Variants in SLC4A10 observed in about 807,000 individuals in gnomAD.
SLC4A10 encodes the protein solute carrier family 4 member 10.
Under a neutral mutation model 137.7 loss-of-function variants are expected in SLC4A10, and 42 were observed. That is an observed-to-expected ratio of 0.30 (90% CI 0.24 to 0.39). SLC4A10 has a LOEUF of 0.39. Ranked by LOEUF, SLC4A10 falls within the 10% of genes least tolerant of loss-of-function variation. The pLI is 1.00. For missense variants in SLC4A10, 925 were observed against 1,355.0 expected (o/e 0.68, Z 4.98); for synonymous variants, 474 against 464.1 (o/e 1.02, Z -0.27).
chr2:161,932,408 G>A (rs1290228522), intron 15 of SLC4A10, among the ~76,000 whole-genome samples: 1 of 152,220 alleles, frequency 6.6e-6, no homozygotes, highest in Admixed American at 6.5e-5. Context: ...ATTTGGAGCA[G>A]GATCCAAGAT....
At chr2:161,961,667 A>T (rs1389509897) in intron 21 of SLC4A10, among the ~76,000 whole-genome samples, 1 of 152,118 alleles carries the variant, frequency 6.6e-6, no homozygotes, top group Non-Finnish European at 1.5e-5. Context: ...TTAAGAAACA[A>T]TGTAAAATCA....
intron 15 of SLC4A10, among the ~76,000 whole-genome samples, chr2:161,930,651 A>T (rs992809342): frequency 2.6e-5 from 4 of 151,886 alleles, no homozygotes; most frequent in African/African-American, 9.7e-5. Flanking sequence ...TCAGTATTCA[A>T]CTCAATATTA....
At chr2:161,716,638 G>C (rs1235357319) in intron 1 of SLC4A10, among the ~76,000 whole-genome samples, 1 of 152,106 alleles carries the variant, frequency 6.6e-6, no homozygotes, top group Non-Finnish European at 1.5e-5. Flanking sequence ...TTATTTCTGA[G>C]TTCTCTATTC....
At chr2:161,810,925 G>A (rs551145966) in intron 3 of SLC4A10, among the ~76,000 whole-genome samples, 1 of 152,116 alleles carries the variant, frequency 6.6e-6, no homozygotes, top group South Asian at 2.1e-4. Flanking sequence ...TTTTGGAAGA[G>A]TTTTAGTAGG....
At chr2:161,881,471 T>C (rs2061775864) in intron 9 of SLC4A10, among the ~76,000 whole-genome samples, 1 of 152,040 alleles carries the variant, frequency 6.6e-6, no homozygotes, top group African/African-American at 2.4e-5. Flanking sequence ...TGTAAAAACA[T>C]GTACAATCTC....
intron 15 of SLC4A10, among the ~76,000 whole-genome samples, chr2:161,940,911 C>T (rs565624046): frequency 6.6e-6 from 1 of 152,162 alleles, no homozygotes; most frequent in East Asian, 1.9e-4. Context: ...TGAGATTAGC[C>T]TGGGCAACAT....
At chr2:161,695,346 A>G (rs1005665780) in intron 1 of SLC4A10, among the ~76,000 whole-genome samples, 1 of 152,044 alleles carries the variant, frequency 6.6e-6, no homozygotes, top group Non-Finnish European at 1.5e-5. Flanking sequence ...ATTTGCTCTT[A>G]TATACCCAAT....
intron 5 of SLC4A10, among the ~76,000 whole-genome samples, chr2:161,862,135 G>A (rs1448790053): frequency 6.6e-6 from 1 of 152,226 alleles, no homozygotes; most frequent in East Asian, 1.9e-4. Flanking sequence ...TTGATACTAT[G>A]TATGGTAAAT....
rs111791161 is a variant in SLC4A10 at position 161,915,730 on chromosome 2, G to T, written c.1997+9843G>T. Among the ~76,000 whole-genome samples, 18 of 152,272 alleles carry T rather than the reference G, an allele frequency of 1.2e-4. 1 individual carries two copies. The highest frequency in any genetic ancestry group is 3.8e-4 in the African/African-American group (16 of 41,570). ...CTGGTTCCCACACTCATTCACTCAT[G>T]CACTCCCTCCTGCAAGGGTTGAGCA... On this transcript the variant is annotated intron_variant, in intron 15 of 26. Transcript: ENST00000446997.
intron 3 of SLC4A10, among the ~76,000 whole-genome samples, chr2:161,835,772 T>G (rs1454676017): frequency 6.6e-6 from 1 of 152,248 alleles, no homozygotes; most frequent in East Asian, 1.9e-4. Flanking sequence ...TATATCCTGC[T>G]GTACCTGATC....
intron 1 of SLC4A10, among the ~76,000 whole-genome samples, chr2:161,687,517 A>G (rs1467089642): frequency 1.3e-5 from 2 of 152,228 alleles, no homozygotes; most frequent in Non-Finnish European, 2.9e-5. Context: ...TAACGGAATT[A>G]TAGCAATTTA....
chr2:161,790,051 A>G (rs1181540303), intron 2 of SLC4A10, among the ~76,000 whole-genome samples: 1 of 152,252 alleles, frequency 6.6e-6, no homozygotes, highest in Non-Finnish European at 1.5e-5. Flanking sequence ...CCTGACTAGT[A>G]AGTCGTATGG....
chr2:161,916,894 A>G (rs927576840), intron 15 of SLC4A10, among the ~76,000 whole-genome samples: 3 of 152,210 alleles, frequency 2.0e-5, no homozygotes, highest in Non-Finnish European at 2.9e-5. Flanking sequence ...ATCTTTTTAA[A>G]GTAAAAATTA....
chr2:161,928,244 T>C (rs1373163422), intron 15 of SLC4A10, among the ~76,000 whole-genome samples: 5 of 149,612 alleles, frequency 3.3e-5, no homozygotes, highest in Admixed American at 2.7e-4. Flanking sequence ...AAATTGGAAA[T>C]CATCATTCTC....
In SLC4A10 at chr2:161,772,408, C is replaced by A. The variant is rs192683118; in HGVS notation, c.130+1354C>A. On this transcript the variant is annotated intron_variant, in intron 2 of 26. Coordinates refer to ENST00000446997, the MANE Select transcript of SLC4A10 (RefSeq NM_001178015.2). ...AATATACTCAATTCCAAGAAAAAAT[C>A]ATCTTGATTTTAAAGATGGTGAATG... Among the ~76,000 whole-genome samples the A allele has an allele frequency of 2.0e-5, 3 of 151,680 alleles. No individual in the cohort carries two copies. In the East Asian group the frequency reaches 5.8e-4, roughly 30 times the overall value.
intron 3 of SLC4A10, among the ~76,000 whole-genome samples, chr2:161,805,934 G>A (rs1198769116): frequency 6.6e-6 from 1 of 152,138 alleles, no homozygotes; most frequent in Non-Finnish European, 1.5e-5. Flanking sequence ...CTTCTGCACT[G>A]CCCTAGCAGA....
intron 15 of SLC4A10, among the ~76,000 whole-genome samples, chr2:161,926,964 C>CA (rs1689266718): frequency 6.6e-6 from 1 of 151,984 alleles, no homozygotes; most frequent in Non-Finnish European, 1.5e-5. Flanking sequence ...GTGGGTAACC[C>CA]AACCTTTCTC....
intron 15 of SLC4A10, among the ~76,000 whole-genome samples, chr2:161,942,248 G>A (rs1018110667): frequency 1.2e-4 from 19 of 152,094 alleles, no homozygotes; most frequent in Admixed American, 1.2e-3. Flanking sequence ...TTTATGAAGG[G>A]CAAATAGCAA....
rs536736703 is a variant in SLC4A10 at position 161,765,619 on chromosome 2, A to T, written c.49-5354A>T. Among the ~76,000 whole-genome samples, 5 of 152,014 alleles carry T rather than the reference A, an allele frequency of 3.3e-5. No homozygotes were observed. The East Asian group carries it at 9.7e-4, about 30-fold the overall frequency. On this transcript the variant is annotated intron_variant, in intron 1 of 26. Coordinates refer to ENST00000446997, the MANE Select transcript of SLC4A10 (RefSeq NM_001178015.2). ...GACAGAGCAAGACTCAAAAAAAAAAAAAAAAAGTGTATCCTGATGGTGTAC... is the reference window on the plus strand; with the variant it reads ...GACAGAGCAAGACTCAAAAAAAAAATAAAAAAGTGTATCCTGATGGTGTAC...
Sources: gnomAD v4.1 joint callset for allele counts (sites outside exome capture counted in the v4.1 genomes callset) on GRCh38, gnomAD v4.1.1 for gene constraint, MANE v1.5 for transcripts, NCBI Gene and HGNC (gene_info 2026-07-23, HGNC 2026-07-21) for gene names.